The following RGMA variants were observed in gnomAD, a reference collection of about 807,000 sequenced individuals.
RGMA encodes repulsive guidance molecule A.
RGMA carries 10 observed loss-of-function variants against 23.2 expected under a neutral mutation model. The observed-to-expected ratio is 0.43, with a 90% CI of 0.27 to 0.73. The LOEUF is 0.73. Among genes scored for constraint, RGMA ranks in the 30% least tolerant of loss-of-function variants. The pLI is 0.20. For missense variants in RGMA, 547 were observed against 630.5 expected (o/e 0.87, Z 1.42); for synonymous variants, 308 against 279.3 (o/e 1.10, Z -1.03).
intron 3 of RGMA, among the ~76,000 whole-genome samples, chr15:93,049,504 G>C (rs1054969664): frequency 6.6e-6 from 1 of 152,214 alleles, no homozygotes; most frequent in Non-Finnish European, 1.5e-5. Flanking sequence ...GGCACAGAAG[G>C]CTGTCCCACG....
chr15:93,087,016 T>C (rs542100540), intron 1 of RGMA, among the ~76,000 whole-genome samples: 8 of 152,306 alleles, frequency 5.3e-5, no homozygotes, highest in African/African-American at 1.7e-4. Flanking sequence ...TGAGACAGCA[T>C]GACGGGGCAG....
intron 2 of RGMA, among the ~76,000 whole-genome samples, chr15:93,064,941 C>G (rs1895091734): frequency 6.6e-6 from 1 of 151,882 alleles, no homozygotes; most frequent in Non-Finnish European, 1.5e-5. Context: ...CTCAAGCCTT[C>G]TATACCACAC....
chr15:93,087,368 G>A lies in RGMA; in HGVS notation c.14+1551C>T, dbSNP rs73460352. Among the ~76,000 whole-genome samples the A allele has an allele frequency of 7.7e-3, 1,101 of 142,808 alleles. 5 individuals carry two copies. Among genetic ancestry groups the A allele is most frequent in the African/African-American group, 0.027 (1,048 of 38,882 alleles). The allele number at this position is 142,808 out of a possible 152,430, so 93.7% of individuals were successfully genotyped here. A position where few individuals can be genotyped will look rare whatever the true frequency, so the allele number is the denominator to read the frequency against. ...TCTGCAGAACTTGCCATCCAGCCACGTCTGCCCCAGTTGTTAATTGGAGAT... is the reference window on the plus strand; with the variant it reads ...TCTGCAGAACTTGCCATCCAGCCACATCTGCCCCAGTTGTTAATTGGAGAT... On this transcript the variant is annotated intron_variant, in intron 1 of 3. Transcript: ENST00000329082.
chr15:93,073,105 G>A (rs1895391071), intron 1 of RGMA, 74 bp from the exon 2 acceptor site: 2 of 1,402,858 alleles, frequency 1.4e-6, no homozygotes, highest in Admixed American at 2.7e-5. Context: ...CTCCGCCGGC[G>A]GGAGCAGCGA....
chr15:93,074,792 C>G lies in RGMA; in HGVS notation c.15-1761G>C, dbSNP rs144391764. ...AACGGCAGCCCATTCCAGCGGCCAC[C>G]GGGGCACGCTAAGCAGGCACTGTGC... On this transcript the variant is annotated intron_variant, in intron 1 of 3. Coordinates refer to ENST00000329082, the MANE Select transcript of RGMA (RefSeq NM_020211.3). Among the ~76,000 whole-genome samples the G allele has an allele frequency of 6.6e-3, 998 of 152,328 alleles. 8 individuals carry two copies. Among genetic ancestry groups the G allele is most frequent in the African/African-American group, 0.023 (937 of 41,556 alleles).
At chr15:93,073,770 G>C in intron 1 of RGMA, 16 of 1,537,062 alleles carry the variant, frequency 1.0e-5, no homozygotes, top group Non-Finnish European at 1.4e-5. Context: ...GACTGGGTTT[G>C]GCCTGCCTCC....
intron 2 of RGMA, among the ~76,000 whole-genome samples, chr15:93,068,820 G>A (rs1040240577): frequency 2.0e-5 from 3 of 152,174 alleles, no homozygotes; most frequent in Non-Finnish European, 4.4e-5. Flanking sequence ...TCAAGAATGG[G>A]ATTAGTGCTC....
intron 3 of RGMA, among the ~76,000 whole-genome samples, chr15:93,046,673 G>C (rs1409168506): frequency 6.6e-6 from 1 of 152,176 alleles, no homozygotes; most frequent in Non-Finnish European, 1.5e-5. Flanking sequence ...AGCAGGCAGA[G>C]GCAAGCAGAA....
rs370222778 is a variant in RGMA, at chr15:93,072,828, G to C, written c.130+88C>G. 3.5e-6 allele frequency: 5 copies of C among 1,412,938 alleles called. No individual in the cohort carries two copies. The African/African-American group carries it at 5.8e-5, about 16-fold the overall frequency. 87.5% of individuals were successfully genotyped at this position (1,412,938 alleles called of 1,614,324 possible). A position where few individuals can be genotyped will look rare whatever the true frequency, so the allele number is the denominator to read the frequency against. On this transcript the variant is annotated intron_variant, in intron 2 of 3. Transcript: ENST00000329082. ...GGTCCGGAGGAGGTCCGGAGAACTT[G>C]AGCCCGGACTCACTCGCGCACATCT...
intron 3 of RGMA, among the ~76,000 whole-genome samples, chr15:93,047,433 A>T (rs886854450): frequency 6.6e-6 from 1 of 152,302 alleles, no homozygotes; most frequent in Non-Finnish European, 1.5e-5. Flanking sequence ...GAGGTGGGGC[A>T]AAGGGGACAA....
intron 2 of RGMA, among the ~76,000 whole-genome samples, chr15:93,056,997 C>G (rs1482944472): frequency 6.6e-6 from 1 of 152,134 alleles, no homozygotes; most frequent in Non-Finnish European, 1.5e-5. Flanking sequence ...CCTGCCCCTC[C>G]CTGGTGAAGC....
At chr15:93,082,041 T>C (rs1457722204) in intron 1 of RGMA, among the ~76,000 whole-genome samples, 1 of 152,224 alleles carries the variant, frequency 6.6e-6, no homozygotes, top group African/African-American at 2.4e-5. Context: ...AAGATAGGGA[T>C]ATATTTGCAG....
At chr15:93,071,560 AGCCGGACGCACAAGTCTGAGCT>A (rs1269635174) in intron 2 of RGMA, among the ~76,000 whole-genome samples, 1 of 152,156 alleles carries the variant, frequency 6.6e-6, no homozygotes, top group East Asian at 1.9e-4. Context: ...TGGTTGAGTA[AGCCGGACGCACAAGTCTGAGCT>A]GGCGCTGGGG....
intron 2 of RGMA, among the ~76,000 whole-genome samples, chr15:93,072,181 C>T (rs1895349044): frequency 6.6e-6 from 1 of 152,128 alleles, no homozygotes; most frequent in Admixed American, 6.5e-5. Flanking sequence ...TGGAGTTGGT[C>T]TCCCTTCCCC....
At chr15:93,088,518 C>G in intron 1 of RGMA, 5 of 997,414 alleles carry the variant, frequency 5.0e-6, no homozygotes, top group Non-Finnish European at 4.8e-6. Context: ...GGGCGTCGAG[C>G]GGGAGGCGGG....
intron 2 of RGMA, among the ~76,000 whole-genome samples, chr15:93,071,695 C>A (rs1318258793): frequency 6.6e-6 from 1 of 152,214 alleles, no homozygotes; most frequent in Admixed American, 6.5e-5. Flanking sequence ...ACAGCCAGGC[C>A]GAGCCAGACC....
In RGMA at chr15:93,045,732, T is replaced by G; in HGVS notation, c.646-27A>C. ...TGCCGGGGAAAGGGGCAGAGGAGAG[T>G]GGGTGAGGCACAGTGGGAGGAGGCA... On this transcript the variant is annotated intron_variant, in intron 3 of 3. Coordinates refer to ENST00000329082, the MANE Select transcript of RGMA (RefSeq NM_020211.3). This position sits in a 1 kb window ranked among gnomAD's most constrained non-coding sequence, Gnocchi z 6.9. The G allele has an allele frequency of 3.2e-6, 5 of 1,547,074 alleles. No individual in the cohort carries two copies. Among genetic ancestry groups the G allele is most frequent in the Non-Finnish European group, 4.4e-6 (5 of 1,133,210 alleles).
At chr15:93,051,774 G>T (rs1474040365) in intron 3 of RGMA, among the ~76,000 whole-genome samples, 1 of 152,242 alleles carries the variant, frequency 6.6e-6, no homozygotes, top group Non-Finnish European at 1.5e-5. Context: ...CCCCATTTGT[G>T]AAGTGGAGCT....
intron 2 of RGMA, among the ~76,000 whole-genome samples, chr15:93,057,999 G>A (rs1485391960): frequency 3.9e-5 from 6 of 152,200 alleles, no homozygotes; most frequent in East Asian, 3.9e-4. Context: ...AAGTTTTCAC[G>A]GCATCCTAAA....
Sources: allele counts gnomAD v4.1 joint callset (sites outside exome capture counted in the v4.1 genomes callset), GRCh38; gene constraint gnomAD v4.1.1; non-coding constraint Gnocchi (gnomAD v3.1); transcripts MANE v1.5; gene names NCBI Gene and HGNC (gene_info 2026-07-23, HGNC 2026-07-21).